PDE4A: variants seen among roughly 807,000 people sequenced by gnomAD.
PDE4A encodes the protein 3',5'-cyclic-AMP phosphodiesterase 4A.
In PDE4A, 21 loss-of-function variants were observed where a neutral mutation model predicts 73.9. That is an observed-to-expected ratio of 0.28 (90% CI 0.20 to 0.41). The LOEUF (loss-of-function observed/expected upper bound fraction) is 0.41. PDE4A is among the 10% of genes least tolerant of loss of function. The probability of loss-of-function intolerance (pLI) is 1.00; values close to 1 mark genes in which losing one functional copy is unlikely to be tolerated. For missense variants in PDE4A, 958 were observed against 1,211.4 expected (o/e 0.79, Z 3.10); for synonymous variants, 463 against 505.4 (o/e 0.92, Z 1.13).
At chr19:10,447,485 A>G (rs576644260) in intron 2 of PDE4A, among the ~76,000 whole-genome samples, 54 of 151,608 alleles carry the variant, frequency 3.6e-4, no homozygotes, top group Non-Finnish European at 7.1e-4. Flanking sequence ...TCGGCCTCCC[A>G]AAGTGCTGGG....
In PDE4A at chr19:10,420,655, C is replaced by A. The variant is rs1447679787; in HGVS notation, c.-110C>A. 3 of 1,364,238 alleles carry A rather than the reference C, an allele frequency of 2.2e-6. No individual in the cohort carries two copies. Among genetic ancestry groups the A allele is most frequent in the Admixed American group, 4.0e-5 (1 of 24,990 alleles). 84.5% of individuals were successfully genotyped at this position (1,364,238 alleles called of 1,614,324 possible). ...TGTCCCCGGGGCGCCATGGCCCTAC[C>A]GCGGCCGGGCGCACCCGCGGGGCCC... is the stretch of plus-strand genomic sequence containing the variant. On this transcript the variant is annotated 5_prime_UTR_variant, in exon 1 of 15. Coordinates refer to ENST00000380702, the MANE Select transcript of PDE4A (RefSeq NM_001111307.2). The surrounding 1 kb of genome is among the most constrained non-coding windows in gnomAD (Gnocchi z 6.0).
intron 1 of PDE4A, chr19:10,430,993 T>G (rs769365691): frequency 1.9e-6 from 3 of 1,574,438 alleles, no homozygotes; most frequent in Non-Finnish European, 2.6e-6. Flanking sequence ...TCCTCGCCCG[T>G]CTTCTTCGCC....
chr19:10,466,740 T>A (rs1438712206), intron 14 of PDE4A, 147 bp from the exon 15 acceptor site: 1 of 1,249,500 alleles, frequency 8.0e-7, no homozygotes, highest in African/African-American at 1.5e-5. Flanking sequence ...ATGATCCGAC[T>A]GCCTCAGCCT....
chr19:10,460,893 G>A (rs968359016), intron 10 of PDE4A, 111 bp from the exon 11 acceptor site: 12 of 1,223,104 alleles, frequency 9.8e-6, no homozygotes, highest in Non-Finnish European at 1.2e-5. Flanking sequence ...TGAAGTCCTA[G>A]GCTCAAGTGA....
chr19:10,418,932 G>A (rs1279329738), upstream of PDE4A: 23 of 985,036 alleles, frequency 2.3e-5, no homozygotes, highest in Non-Finnish European at 2.8e-5. Flanking sequence ...GGGGAACACA[G>A]TTTTGGCCCT....
intron 14 of PDE4A, among the ~76,000 whole-genome samples, chr19:10,466,369 C>T (rs1282316159): frequency 5.2e-5 from 7 of 134,486 alleles, no homozygotes; most frequent in South Asian, 2.5e-4. Flanking sequence ...GGCGTGAGCC[C>T]GGGAGGCAGA....
At chr19:10,438,628 A>G (rs1308840154) in intron 1 of PDE4A, among the ~76,000 whole-genome samples, 1 of 151,870 alleles carries the variant, frequency 6.6e-6, no homozygotes, top group Admixed American at 6.6e-5. Flanking sequence ...TGTTTTTGAG[A>G]CAGAGTTTCA....
At position 10,458,702 on chromosome 19, in the gene PDE4A, T is replaced by C. The variant is rs1029213123; in HGVS notation, c.1101+600T>C. Among the ~76,000 whole-genome samples the C allele has an allele frequency of 1.8e-4, 27 of 151,684 alleles. No homozygotes were observed. The highest frequency in any genetic ancestry group is 5.3e-4 in the African/African-American group (22 of 41,328). On this transcript the variant is annotated intron_variant, in intron 8 of 14. Transcript: ENST00000380702. This position sits in a 1 kb window ranked among gnomAD's most constrained non-coding sequence, Gnocchi z 4.6. ...AGTGTGATCTCGGCTCAAGGCAACC[T>C]CCACCTCCTGGGTTCAAGCAATACT...
Position 10,459,621 on chromosome 19 carries a change from C to A in PDE4A, c.1227C>A (p.Arg409=), listed in dbSNP as rs1317172123. The A allele has an allele frequency of 6.2e-7, 1 of 1,614,194 alleles. No individual in the cohort carries two copies. Among genetic ancestry groups the A allele is most frequent in the African/African-American group, 1.3e-5 (1 of 75,072 alleles). The change falls in exon 10 of 15, where the codon CGC becomes CGA. Residue 409 remains arginine (R), a synonymous_variant. Transcript: ENST00000380702. ...AGCGGGACCTGCTGAAGAAATTCCG[C>A]ATCCCTGTGGACACGATGGTGACAT... The part of the protein sequence containing the change: ...FQERDLLKKF[R]IPVDTMVTYM...
At chr19:10,431,631 G>C (rs753119831) in intron 1 of PDE4A, among the ~76,000 whole-genome samples, 1 of 152,318 alleles carries the variant, frequency 6.6e-6, no homozygotes, top group Non-Finnish European at 1.5e-5. Flanking sequence ...TGGCAGCCCG[G>C]AGTTGGGCAC....
intron 1 of PDE4A, among the ~76,000 whole-genome samples, chr19:10,440,909 T>C (rs555836034): frequency 2.8e-4 from 43 of 151,694 alleles, no homozygotes; most frequent in African/African-American, 8.0e-4. Flanking sequence ...ATTTTTTTTT[T>C]TTTTTTTTGG....
intron 2 of PDE4A, 72 bp from the exon 3 acceptor site, chr19:10,448,845 G>A (rs1341215091): frequency 6.2e-7 from 1 of 1,605,364 alleles, no homozygotes; most frequent in East Asian, 2.2e-5. Flanking sequence ...CCTGGGTCCA[G>A]CCTCACAGGG....
chr19:10,450,991 C>T (rs1430647258), intron 6 of PDE4A, 50 bp downstream of exon 6: 2 of 1,525,684 alleles, frequency 1.3e-6, no homozygotes, highest in Admixed American at 3.9e-5. Context: ...GGGGGCGGGG[C>T]CAGTGGGTAG....
At chr19:10,432,541 C>G (rs1386625385) in intron 1 of PDE4A, 3 of 1,524,510 alleles carry the variant, frequency 2.0e-6, no homozygotes, top group Admixed American at 2.1e-5. Context: ...GATGAGGACA[C>G]CCGTCGGCAC....
chr19:10,438,215 C>T (rs1416839385), intron 1 of PDE4A, among the ~76,000 whole-genome samples: 2 of 150,884 alleles, frequency 1.3e-5, no homozygotes, highest in Admixed American at 1.3e-4. Context: ...CGGGTTCAAG[C>T]GATTCTCGTG....
chr19:10,461,775 C>T (rs1258657854), intron 12 of PDE4A, 95 bp downstream of exon 12: 1 of 1,584,068 alleles, frequency 6.3e-7, no homozygotes, highest in African/African-American at 1.3e-5. Flanking sequence ...GAACCCTCAA[C>T]CTGGACAGAG....
chr19:10,419,235 G>C (rs1388615047), upstream of PDE4A: 1 of 192,008 alleles, frequency 5.2e-6, no homozygotes, highest in Non-Finnish European at 9.2e-6. Flanking sequence ...GTGGGGGGGG[G>C]GGGCGGTGGG....
chr19:10,463,033 C>T (rs2144507021), intron 13 of PDE4A, among the ~76,000 whole-genome samples: 1 of 152,122 alleles, frequency 6.6e-6, no homozygotes, highest in Non-Finnish European at 1.5e-5. Flanking sequence ...CTTTTCCTTT[C>T]CTTTCCTGTC....
At chr19:10,417,633 C>A (rs761804943), upstream of PDE4A, 3 of 1,570,808 alleles carry the variant, frequency 1.9e-6, no homozygotes, top group East Asian at 2.3e-5. Flanking sequence ...CCAGGCCACG[C>A]CCCTATTCCA....
Sources: allele counts gnomAD v4.1 joint callset (sites outside exome capture counted in the v4.1 genomes callset), GRCh38; gene constraint gnomAD v4.1.1; non-coding constraint Gnocchi (gnomAD v3.1); transcripts MANE v1.5; gene names NCBI Gene and HGNC (gene_info 2026-07-23, HGNC 2026-07-21).